TPM3: variants seen among roughly 807,000 people sequenced by gnomAD.
TPM3 encodes tropomyosin alpha-3 chain.
A neutral mutation model predicts 43.1 loss-of-function variants in TPM3; 16 were observed. That is an observed-to-expected ratio of 0.37 (90% CI 0.25 to 0.56). TPM3 has a LOEUF of 0.56. Ranked by LOEUF, TPM3 falls within the 20% of genes least tolerant of loss-of-function variation. The pLI, the probability that TPM3 is intolerant of heterozygous loss-of-function variation, is 0.77. For synonymous variants in TPM3, 101 were observed against 116.9 expected (o/e 0.86, Z 0.88); for missense variants, 176 against 337.2 (o/e 0.52, Z 3.74).
chr1:154,158,161 A>G (rs1280668702), downstream of TPM3, among the ~76,000 whole-genome samples: 3 of 152,184 alleles, frequency 2.0e-5, no homozygotes, highest in African/African-American at 4.8e-5. Flanking sequence ...CATGCACTAC[A>G]TGTTTTTTCG....
At chr1:154,170,371 T>C in intron 8 of TPM3, 29 bp downstream of exon 8, 1 of 1,611,178 alleles carries the variant, frequency 6.2e-7, no homozygotes, top group Non-Finnish European at 8.5e-7. Context: ...TATATTTCTC[T>C]ATTTCAATCC....
At chr1:154,174,874 C>T (rs1662119366) in intron 3 of TPM3, among the ~76,000 whole-genome samples, 1 of 152,018 alleles carries the variant, frequency 6.6e-6, no homozygotes, top group Non-Finnish European at 1.5e-5. Flanking sequence ...ACAGTAGTAA[C>T]GTACCCTTAG....
At chr1:154,183,309 A>C in intron 2 of TPM3, 2 of 1,482,482 alleles carry the variant, frequency 1.3e-6, no homozygotes, top group Non-Finnish European at 1.8e-6. Context: ...CTGGAGGGAG[A>C]GCCGCGGCAG....
rs1660748820 is a variant in TPM3 at position 154,164,618 on chromosome 1, C to T, written c.*3319G>A. 1.3e-5 allele frequency among the ~76,000 whole-genome samples: 2 copies of T among 152,192 alleles called. No homozygotes were observed. Among genetic ancestry groups the T allele is most frequent in the African/African-American group, 4.8e-5 (2 of 41,438 alleles). On this transcript the variant is annotated 3_prime_UTR_variant, in exon 10 of 10. Transcript: ENST00000651641. Reference sequence around the variant, plus strand: ...TCCTAGAAAACTAAATTAACCTAACCCAATTTTTTCCAAAGTGTGGTGTAT... The same window carrying T: ...TCCTAGAAAACTAAATTAACCTAACTCAATTTTTTCCAAAGTGTGGTGTAT...
intron 2 of TPM3, among the ~76,000 whole-genome samples, chr1:154,184,929 G>A (rs1663336428): frequency 6.6e-6 from 1 of 151,582 alleles, no homozygotes; most frequent in African/African-American, 2.4e-5. Flanking sequence ...ATAAAAAACA[G>A]ACGACTGTTA....
intron 6 of TPM3, chr1:154,171,025 A>G (rs1050011957): frequency 3.2e-5 from 17 of 524,232 alleles, no homozygotes; most frequent in African/African-American, 2.5e-4. Flanking sequence ...TAGCACCCCA[A>G]GGTCACATGA....
At chr1:154,183,105 G>A (rs143414531) in intron 2 of TPM3, 43 of 1,598,894 alleles carry the variant, frequency 2.7e-5, no homozygotes, top group Non-Finnish European at 3.6e-5. Context: ...CCTCGATGGT[G>A]GTGATCCCAG....
chr1:154,159,046 G>T (rs542934206), downstream of TPM3: 2 of 780,434 alleles, frequency 2.6e-6, no homozygotes, highest in African/African-American at 1.7e-5. Context: ...CTGTAGAGAC[G>T]CTCTGCAGCA....
rs770751758 is a variant in TPM3, at chr1:154,191,959, C to T, written c.60G>A (p.Leu20=). The T allele has an allele frequency of 2.9e-5, 47 of 1,613,858 alleles. No individual in the cohort carries two copies. Among genetic ancestry groups the T allele is most frequent in the Non-Finnish European group, 3.8e-5 (45 of 1,180,032 alleles). ...QMLKLDKENA[L]DRAEQAEAEQ... ...CAGCTTCAGCTTGCTCTGCCCGATCCAGAGCATTCTCCTTGTCTAACTTCA... is the reference window on the plus strand; with the variant it reads ...CAGCTTCAGCTTGCTCTGCCCGATCTAGAGCATTCTCCTTGTCTAACTTCA... The change falls in exon 1 of 10, where the codon CTG becomes CTA. Residue 20 remains leucine (L), a synonymous_variant. Transcript: ENST00000651641.
At chr1:154,185,389 A>C (rs1419644815) in intron 2 of TPM3, among the ~76,000 whole-genome samples, 2 of 113,222 alleles carry the variant, frequency 1.8e-5, no homozygotes, top group African/African-American at 3.5e-5. Flanking sequence ...AAAAAAAAAA[A>C]AATGGCAAAA....
At position 154,173,596 on chromosome 1, in the gene TPM3, G is replaced by A. The variant is rs146578646; in HGVS notation, c.378-395C>T. Among the ~76,000 whole-genome samples the A allele has an allele frequency of 2.5e-4, 38 of 152,150 alleles. No individual in the cohort carries two copies. The East Asian group carries it at 7.1e-3, about 29-fold the overall frequency. ...GGAGAATCACTTGAACTCAGTAGGT[G>A]GAGGTTGCGGTGAGCCGAGATCGAG... On this transcript the variant is annotated intron_variant, in intron 3 of 9. Transcript: ENST00000651641.
intron 2 of TPM3, among the ~76,000 whole-genome samples, chr1:154,189,596 C>T (rs559809070): frequency 2.0e-5 from 3 of 152,138 alleles, no homozygotes; most frequent in East Asian, 1.9e-4. Context: ...GAGTTCAAGA[C>T]AAGCCTGACC....
chr1:154,172,452 C>CTAG (rs1269611149), intron 5 of TPM3: 4 of 514,664 alleles, frequency 7.8e-6, no homozygotes, highest in Non-Finnish European at 1.2e-5. Flanking sequence ...GGGACAGGGT[C>CTAG]TCCCTATGAC....
downstream of TPM3, chr1:154,157,589 C>T (rs774578829): frequency 2.9e-5 from 22 of 770,728 alleles, no homozygotes; most frequent in African/African-American, 3.4e-4. Context: ...TGGCCTCAGG[C>T]GGAGTCTGGG....
chr1:154,172,054 T>C (rs778224397), intron 5 of TPM3: 1 of 1,614,168 alleles, frequency 6.2e-7, no homozygotes, highest in Middle Eastern at 1.7e-4. Context: ...ACTCAGACAC[T>C]TCAGGTTCTG....
chr1:154,167,232 A>G lies in TPM3; in HGVS notation c.*705T>C, dbSNP rs1279997915. The G allele has an allele frequency of 2.2e-6, 2 of 924,456 alleles. No individual in the cohort carries two copies. Among genetic ancestry groups the G allele is most frequent in the Non-Finnish European group, 1.3e-6 (1 of 774,730 alleles). The allele number at this position is 924,456 out of a possible 1,614,324, so 57.3% of individuals were successfully genotyped here. Reference sequence around the variant, plus strand: ...AAGAAAGGTTTAAAGAAGAAAAAGTAAAAAAACCGTCCAGAATTCTATCCA... The same window carrying G: ...AAGAAAGGTTTAAAGAAGAAAAAGTGAAAAAACCGTCCAGAATTCTATCCA... On this transcript the variant is annotated 3_prime_UTR_variant, in exon 10 of 10. Transcript: ENST00000651641.
rs1660555539 is a variant in TPM3 at position 154,163,118 on chromosome 1, CCTTT to C, written c.*4815_*4818del. ...GCCACCATGCCCGGTCTACTTCCTT[CCTTT>C]CTAAGAAGTCTTTCTTCATGTCAAA... is the stretch of plus-strand genomic sequence containing the variant. On this transcript the variant is annotated 3_prime_UTR_variant, in exon 10 of 10. Transcript: ENST00000651641. Among the ~76,000 whole-genome samples, 1 of 152,144 alleles carries C rather than the reference CCTTT, an allele frequency of 6.6e-6. No individual in the cohort carries two copies. Among genetic ancestry groups the C allele is most frequent in the Non-Finnish European group, 1.5e-5 (1 of 68,016 alleles).
chr1:154,187,421 G>A, intron 2 of TPM3: 2 of 984,596 alleles, frequency 2.0e-6, no homozygotes, highest in Non-Finnish European at 2.4e-6. Flanking sequence ...TATCTCTGAG[G>A]GTACTTTCTG....
At chr1:154,157,989 C>G (rs374487761), downstream of TPM3, among the ~76,000 whole-genome samples, 2 of 152,194 alleles carry the variant, frequency 1.3e-5, no homozygotes, top group East Asian at 3.8e-4. Context: ...CCAACACTTT[C>G]AGCTTTCAGT....
Sources: allele counts gnomAD v4.1 joint callset (sites outside exome capture counted in the v4.1 genomes callset), GRCh38; gene constraint gnomAD v4.1.1; transcripts MANE v1.5; gene names NCBI Gene and HGNC (gene_info 2026-07-23, HGNC 2026-07-21).